Variants in PTPRD observed in about 807,000 individuals in gnomAD.
PTPRD encodes the protein receptor-type tyrosine-protein phosphatase delta.
PTPRD carries 34 observed loss-of-function variants against 214.5 expected under a neutral mutation model. That is an observed-to-expected ratio of 0.16 (90% CI 0.12 to 0.21). The LOEUF (loss-of-function observed/expected upper bound fraction) is 0.21, where lower values mean the gene tolerates loss of function less well. PTPRD is among the 10% of genes least tolerant of loss of function. The pLI is 1.00. For missense variants in PTPRD, 2,545 were observed against 2,398.7 expected (o/e 1.06, Z -1.27); for synonymous variants, 1,128 against 845.7 (o/e 1.33, Z -5.79).
At chr9:9,293,710 A>C (rs1226734681) in intron 9 of PTPRD, among the ~76,000 whole-genome samples, 1 of 151,594 alleles carries the variant, frequency 6.6e-6, no homozygotes, top group Non-Finnish European at 1.5e-5. Context: ...AATGAACTCG[A>C]CTGCTGGCAA....
At chr9:10,311,387 T>C (rs773701925) in intron 3 of PTPRD, among the ~76,000 whole-genome samples, 22 of 152,186 alleles carry the variant, frequency 1.4e-4, no homozygotes, top group Non-Finnish European at 2.6e-4. Context: ...CAATCTCTTC[T>C]GAGAATCTAA....
rs775331440 is a variant in PTPRD at position 8,684,019 on chromosome 9, G to A, written c.65-47175C>T. Among the ~76,000 whole-genome samples, 10 of 152,126 alleles carry A rather than the reference G, an allele frequency of 6.6e-5. No individual in the cohort carries two copies. In the South Asian group the frequency reaches 8.3e-4, roughly 13 times the overall value. On this transcript the variant is annotated intron_variant, in intron 12 of 45. Coordinates refer to ENST00000381196, the MANE Select transcript of PTPRD (RefSeq NM_002839.4). ...AACCAGTGGGCTTGTGAGTAGGTAA[G>A]GTCAGAAGACTCCAGCTACCCACCC...
At chr9:10,531,174 T>A (rs1196309269) in intron 2 of PTPRD, among the ~76,000 whole-genome samples, 1 of 152,064 alleles carries the variant, frequency 6.6e-6, no homozygotes, top group Non-Finnish European at 1.5e-5. Flanking sequence ...GGTCTTAAAC[T>A]CCTGACCTCA....
intron 14 of PTPRD, among the ~76,000 whole-genome samples, chr9:8,574,121 A>G (rs1312771204): frequency 6.6e-6 from 1 of 151,926 alleles, no homozygotes; most frequent in Admixed American, 6.6e-5. Context: ...CAGATACTGC[A>G]CGGAACATGC....
chr9:9,572,562 TATATA>T (rs2086805217), intron 8 of PTPRD, among the ~76,000 whole-genome samples: 1 of 47,132 alleles, frequency 2.1e-5, no homozygotes, highest in East Asian at 3.3e-4. Context: ...TATATATATG[TATATA>T]TATATATATA....
At chr9:10,372,807 C>T (rs7028984) in intron 2 of PTPRD, among the ~76,000 whole-genome samples, 131,694 of 150,884 alleles carry the variant, frequency 0.87, 57,524 homozygotes, top group African/African-American at 0.92. Flanking sequence ...AAGGTAGAAC[C>T]AAAAGTATGC....
At chr9:9,098,506 C>T (rs1427172570) in intron 10 of PTPRD, among the ~76,000 whole-genome samples, 1 of 152,152 alleles carries the variant, frequency 6.6e-6, no homozygotes, top group Non-Finnish European at 1.5e-5. Flanking sequence ...GCCTCAGCCT[C>T]CCAAAGTGCT....
At chr9:9,508,171 T>A (rs182905925) in intron 8 of PTPRD, among the ~76,000 whole-genome samples, 52 of 151,688 alleles carry the variant, frequency 3.4e-4, no homozygotes, top group African/African-American at 1.2e-3. Flanking sequence ...CATACAATCA[T>A]ATTTCCAAAC....
At chr9:10,094,403 G>A (rs866901340) in intron 3 of PTPRD, among the ~76,000 whole-genome samples, 4 of 151,140 alleles carry the variant, frequency 2.6e-5, no homozygotes, top group African/African-American at 7.3e-5. Context: ...TGAAGAAAAG[G>A]CATTGAAAAT....
chr9:9,973,801 T>C (rs554005032), intron 4 of PTPRD, among the ~76,000 whole-genome samples: 7 of 152,200 alleles, frequency 4.6e-5, no homozygotes, highest in Admixed American at 4.6e-4. Context: ...ATATTTTTAT[T>C]TGTATTTTAT....
chr9:9,443,369 C>T (rs751927715), intron 8 of PTPRD, among the ~76,000 whole-genome samples: 1 of 152,190 alleles, frequency 6.6e-6, no homozygotes, highest in Non-Finnish European at 1.5e-5. Flanking sequence ...ACAGAAACTA[C>T]TCTTTTGTAG....
chr9:10,141,362 A>C (rs1313752520), intron 3 of PTPRD, among the ~76,000 whole-genome samples: 1 of 152,166 alleles, frequency 6.6e-6, no homozygotes, highest in South Asian at 2.1e-4. Flanking sequence ...CCATTGTCTC[A>C]GCCCAAAATC....
intron 3 of PTPRD, among the ~76,000 whole-genome samples, chr9:10,169,265 G>A (rs1001021983): frequency 8.6e-5 from 13 of 151,664 alleles, no homozygotes; most frequent in African/African-American, 1.9e-4. Flanking sequence ...ACGAGGTCAG[G>A]AGATCGAGAC....
At chr9:9,102,925 T>G (rs2099793294) in intron 10 of PTPRD, among the ~76,000 whole-genome samples, 1 of 152,242 alleles carries the variant, frequency 6.6e-6, no homozygotes, top group African/African-American at 2.4e-5. Context: ...TGATTTTGTT[T>G]TCTTGCAAAT....
intron 7 of PTPRD, among the ~76,000 whole-genome samples, chr9:9,670,859 G>T (rs1227212992): frequency 1.3e-5 from 2 of 152,228 alleles, no homozygotes; most frequent in African/African-American, 4.8e-5. Context: ...GAAGTTTGTT[G>T]CAGGGGCAGT....
At chr9:8,407,318 T>C (rs960401918) in intron 35 of PTPRD, among the ~76,000 whole-genome samples, 1 of 152,196 alleles carries the variant, frequency 6.6e-6, no homozygotes, top group South Asian at 2.1e-4. Context: ...TTTTTTTCCA[T>C]TTGGCAGGTG....
intron 3 of PTPRD, among the ~76,000 whole-genome samples, chr9:10,102,566 T>C (rs977642337): frequency 4.0e-5 from 6 of 151,594 alleles, no homozygotes; most frequent in Middle Eastern, 3.4e-3. Context: ...AAAATACTCA[T>C]AAATAAAATA....
At chr9:9,609,536 C>T (rs2094400176) in intron 7 of PTPRD, among the ~76,000 whole-genome samples, 1 of 152,150 alleles carries the variant, frequency 6.6e-6, no homozygotes, top group Non-Finnish European at 1.5e-5. Context: ...AATCTTGGTT[C>T]ACTGCAACCT....
chr9:10,192,716 T>C (rs1375977440), intron 3 of PTPRD, among the ~76,000 whole-genome samples: 1 of 152,162 alleles, frequency 6.6e-6, no homozygotes. Flanking sequence ...TGAAAACACA[T>C]GCTTGGAAAG....
Sources: allele counts gnomAD v4.1 joint callset (sites outside exome capture counted in the v4.1 genomes callset), GRCh38; gene constraint gnomAD v4.1.1; transcripts MANE v1.5; gene names NCBI Gene and HGNC (gene_info 2026-07-23, HGNC 2026-07-21).